SERGEF: variants seen among roughly 807,000 people sequenced by gnomAD.
The protein encoded by SERGEF is secretion-regulating guanine nucleotide exchange factor.
Under a neutral mutation model 50.0 loss-of-function variants are expected in SERGEF, and 51 were observed. The ratio of observed to expected loss-of-function variants is 1.02; its 90% CI spans 0.81 to 1.29. The LOEUF (loss-of-function observed/expected upper bound fraction) is 1.29, where lower values mean the gene tolerates loss of function less well. Ranked by LOEUF, SERGEF falls within the 50% of genes most tolerant of loss-of-function variation. The pLI is 0.00. For synonymous variants in SERGEF, 205 were observed against 212.4 expected, an observed-to-expected ratio of 0.97 and a Z score of 0.30; for missense variants, 521 against 557.0, an observed-to-expected ratio of 0.94 and a Z score of 0.65.
At chr11:17,881,527 T>C (rs901530130) in intron 9 of SERGEF, among the ~76,000 whole-genome samples, 1 of 152,226 alleles carries the variant, frequency 6.6e-6, no homozygotes, top group Non-Finnish European at 1.5e-5. Flanking sequence ...ATTTGCTTCA[T>C]AATGCTCCTG....
chr11:17,871,965 G>A (rs1304376972), intron 10 of SERGEF, among the ~76,000 whole-genome samples: 2 of 152,138 alleles, frequency 1.3e-5, no homozygotes, highest in African/African-American at 2.4e-5. Flanking sequence ...ATCAAAAGGC[G>A]TGTATAAGAA....
intron 9 of SERGEF, among the ~76,000 whole-genome samples, chr11:17,913,143 G>C (rs1016026009): frequency 6.6e-6 from 1 of 152,200 alleles, no homozygotes; most frequent in Non-Finnish European, 1.5e-5. Context: ...TATGACCCTG[G>C]GGATGCACTG....
Position 17,788,108 on chromosome 11 carries a change from A to T in SERGEF, c.1354T>A (p.Trp452Arg). 1 of 1,545,426 alleles carries T rather than the reference A, an allele frequency of 6.5e-7. No homozygotes were observed. The highest frequency in any genetic ancestry group is 8.8e-7 in the Non-Finnish European group (1 of 1,141,902). ...TATCACAGTCCCCCATTTCTGGACC[A>T]GTCAGATTGGCTTTGGGTTGAAGTT... is the stretch of plus-strand genomic sequence containing the variant. ...SETSTQSQSDWSRNGGL is the reference protein window; with the variant it reads ...SETSTQSQSDRSRNGGL The change falls in exon 11 of 11, where the codon TGG becomes AGG. Residue 452 changes from tryptophan to arginine, a missense_variant. Physicochemically the swap from Trp to Arg is moderately radical, Grantham distance 101. Coordinates refer to ENST00000265965, the MANE Select transcript of SERGEF (RefSeq NM_012139.4).
At chr11:18,008,223 AT>A in intron 1 of SERGEF, 147 bp from the exon 2 acceptor site, 8 of 713,874 alleles carry the variant, frequency 1.1e-5, no homozygotes, top group South Asian at 2.9e-5. Context: ...TTAAAAAAAA[AT>A]TTTTAGCTCC....
Position 17,904,877 on chromosome 11 carries a change from G to A in SERGEF, c.1012-26633C>T, listed in dbSNP as rs193222564. 1.5e-3 allele frequency among the ~76,000 whole-genome samples: 232 copies of A among 152,264 alleles called. 2 individuals are homozygous for A. The highest frequency in any genetic ancestry group is 2.1e-3 in the Non-Finnish European group (143 of 68,012). On this transcript the variant is annotated intron_variant, in intron 9 of 10. Transcript: ENST00000265965. ...CAGTCCTGGATGCCTGATTCCCTGG[G>A]TCATCAAAGCCTAATTCTCACAGGC...
At chr11:17,849,404 A>G (rs1458337299) in intron 10 of SERGEF, among the ~76,000 whole-genome samples, 1 of 152,222 alleles carries the variant, frequency 6.6e-6, no homozygotes, top group Non-Finnish European at 1.5e-5. Flanking sequence ...TCTGGTATTG[A>G]TATAAAATTA....
chr11:17,956,686 A>G (rs1003797783), intron 9 of SERGEF, among the ~76,000 whole-genome samples: 3 of 152,064 alleles, frequency 2.0e-5, no homozygotes, highest in African/African-American at 7.2e-5. Context: ...GAGACACCAG[A>G]CAATTCACTC....
At chr11:17,819,306 G>A (rs1387410473) in intron 10 of SERGEF, among the ~76,000 whole-genome samples, 1 of 152,222 alleles carries the variant, frequency 6.6e-6, no homozygotes, top group East Asian at 1.9e-4. Flanking sequence ...ATGTGTTATA[G>A]ACTCTGAGGA....
At chr11:17,924,370 T>G (rs7101974) in intron 9 of SERGEF, among the ~76,000 whole-genome samples, 193 of 152,224 alleles carry the variant, frequency 1.3e-3, no homozygotes, top group African/African-American at 4.4e-3. Context: ...ATGTGTGAAG[T>G]CAGAGAGGCA....
chr11:17,792,164 A>T (rs1215425708), intron 10 of SERGEF, among the ~76,000 whole-genome samples: 1 of 152,220 alleles, frequency 6.6e-6, no homozygotes, highest in African/African-American at 2.4e-5. Flanking sequence ...CCTTAGTAGG[A>T]AGGCAATCAC....
chr11:17,879,501 T>C (rs1851301062), intron 9 of SERGEF, among the ~76,000 whole-genome samples: 1 of 152,200 alleles, frequency 6.6e-6, no homozygotes, highest in Non-Finnish European at 1.5e-5. Context: ...AGGGCAAGTC[T>C]GTGACAAAAC....
chr11:17,825,648 G>C (rs1850179756), intron 10 of SERGEF, among the ~76,000 whole-genome samples: 1 of 152,134 alleles, frequency 6.6e-6, no homozygotes, highest in Non-Finnish European at 1.5e-5. Flanking sequence ...AGAGTTCCAT[G>C]GTTTGCACAC....
chr11:17,941,069 T>G (rs1346080347), intron 9 of SERGEF, among the ~76,000 whole-genome samples: 1 of 152,228 alleles, frequency 6.6e-6, no homozygotes, highest in Non-Finnish European at 1.5e-5. Flanking sequence ...GATTCTATAG[T>G]TAACATTTTT....
intron 8 of SERGEF, among the ~76,000 whole-genome samples, chr11:17,966,733 GT>G (rs1853133140): frequency 6.6e-6 from 1 of 152,068 alleles, no homozygotes; most frequent in Admixed American, 6.6e-5. Flanking sequence ...ATAATAAAAG[GT>G]TTGGAATTTT....
chr11:18,001,923 G>A (rs889593409), intron 4 of SERGEF: 2 of 452,044 alleles, frequency 4.4e-6, no homozygotes, highest in South Asian at 3.2e-5. Flanking sequence ...GACCCTCAAG[G>A]GCAGGACCTG....
intron 9 of SERGEF, among the ~76,000 whole-genome samples, chr11:17,919,119 G>T (rs796748629): frequency 1.3e-5 from 2 of 152,126 alleles, no homozygotes; most frequent in Non-Finnish European, 2.9e-5. Context: ...TTCTGAATTG[G>T]TATTATAATT....
At chr11:17,968,446 T>C (rs1299615806) in intron 8 of SERGEF, among the ~76,000 whole-genome samples, 1 of 152,150 alleles carries the variant, frequency 6.6e-6, no homozygotes, top group Non-Finnish European at 1.5e-5. Context: ...CCTAGCACTT[T>C]TGTAGGCCAA....
At chr11:17,879,554 A>G (rs1468163077) in intron 9 of SERGEF, among the ~76,000 whole-genome samples, 7 of 152,178 alleles carry the variant, frequency 4.6e-5, no homozygotes, top group African/African-American at 1.7e-4. Context: ...CTATGAAATC[A>G]ACTTTTTAAA....
At chr11:17,946,411 A>C (rs575570700) in intron 9 of SERGEF, among the ~76,000 whole-genome samples, 2 of 152,182 alleles carry the variant, frequency 1.3e-5, no homozygotes, top group African/African-American at 4.8e-5. Context: ...TCTGGCATCT[A>C]CTGGGACTTG....
Sources: allele counts gnomAD v4.1 joint callset (sites outside exome capture counted in the v4.1 genomes callset), GRCh38; gene constraint gnomAD v4.1.1; transcripts MANE v1.5; gene names NCBI Gene and HGNC (gene_info 2026-07-23, HGNC 2026-07-21).